Variants in KCNT1 observed in about 807,000 individuals in gnomAD.
KCNT1 encodes the protein potassium sodium-activated channel subfamily T member 1.
In KCNT1, 78 loss-of-function variants were observed where a neutral mutation model predicts 147.8. The ratio of observed to expected loss-of-function variants is 0.53; its 90% CI spans 0.44 to 0.64. KCNT1 has a LOEUF of 0.64. Among genes scored for constraint, KCNT1 ranks in the 30% least tolerant of loss-of-function variants. The probability of loss-of-function intolerance (pLI) is 0.00; values close to 1 mark genes in which losing one functional copy is unlikely to be tolerated. For missense variants in KCNT1, 1,419 were observed against 1,750.3 expected (o/e 0.81, Z 3.38); for synonymous variants, 867 against 748.8 (o/e 1.16, Z -2.58).
intron 16 of KCNT1, 61 bp downstream of exon 16, chr9:135,770,116 G>A (rs1333966609): frequency 8.2e-6 from 12 of 1,462,140 alleles, no homozygotes; most frequent in African/African-American, 2.8e-5. Flanking sequence ...GGGAGACAAC[G>A]CAGGGCCTGC....
intron 18 of KCNT1, 59 bp downstream of exon 18, chr9:135,771,154 C>T (rs917723661): frequency 4.1e-6 from 6 of 1,470,334 alleles, no homozygotes; most frequent in South Asian, 1.2e-5. Flanking sequence ...GGAGACCAGG[C>T]GGGACACCGG....
Position 135,786,407 on chromosome 9 carries a change from G to T in KCNT1, c.3388G>T (p.Ala1130Ser), listed in dbSNP as rs138421850. The change falls in exon 29 of 31, where the codon GCG (alanine) becomes TCG (serine). Residue 1130 changes from alanine (A) to serine (S), a missense_variant. Around this residue, in one of 5 missense-constraint regions of KCNT1, gnomAD observed 306 missense variants for 294.2 expected, o/e 1.04. Coordinates refer to ENST00000371757, the MANE Select transcript of KCNT1 (RefSeq NM_020822.3). ...CAAGCAGGCAGGCCGGGCGGCGGCC[G>T]CGGAGTGGATCAGCCAGCAGCGCCT... ...APKQAGRAAA[A>S]EWISQQRLSL... 6 of 1,576,860 alleles carry T rather than the reference G, an allele frequency of 3.8e-6. No homozygotes were observed. Among genetic ancestry groups the T allele is most frequent in the Middle Eastern group, 2.0e-4 (1 of 5,094 alleles).
chr9:135,742,433 C>T (rs934871188), intron 2 of KCNT1, among the ~76,000 whole-genome samples: 3 of 152,166 alleles, frequency 2.0e-5, no homozygotes, highest in Non-Finnish European at 4.4e-5. Flanking sequence ...TGGTTGTCAC[C>T]CCCCCATCTG....
rs1284959389 is a variant in KCNT1, at chr9:135,756,944, C to A, written c.600+12C>A. On this transcript the variant is annotated intron_variant, in intron 7 of 30. Transcript: ENST00000371757. ...ACCTCAGCTACAAAGTGAGTGCCTG[C>A]CCGGGATGGCACCTCACAGGGGGTC... 1 of 1,611,342 alleles carries A rather than the reference C, an allele frequency of 6.2e-7. No homozygotes were observed. The highest frequency in any genetic ancestry group is 1.7e-5 in the Admixed American group (1 of 59,964).
chr9:135,788,350 C>T lies in KCNT1; in HGVS notation c.3502+1829C>T, dbSNP rs142455552. Among the ~76,000 whole-genome samples the T allele has an allele frequency of 1.5e-3, 235 of 152,356 alleles. 2 individuals are homozygous for T. The highest frequency in any genetic ancestry group is 5.2e-3 in the African/African-American group (215 of 41,590). On this transcript the variant is annotated intron_variant, in intron 29 of 30. Transcript: ENST00000371757. ...GCCGACAGAGTGTCCCCTGGCTGGG[C>T]GTTGAGGACGGGCCTGAGGCTGAGG...
intron 2 of KCNT1, among the ~76,000 whole-genome samples, chr9:135,724,997 T>C (rs1409319958): frequency 6.6e-6 from 1 of 152,174 alleles, no homozygotes; most frequent in Non-Finnish European, 1.5e-5. Context: ...CTGAGGGTAA[T>C]CTTGGTGGAA....
chr9:135,728,235 C>T (rs997279113), intron 2 of KCNT1, among the ~76,000 whole-genome samples: 3 of 152,210 alleles, frequency 2.0e-5, no homozygotes, highest in Non-Finnish European at 4.4e-5. Flanking sequence ...AGCCCAGGGA[C>T]ACTGATGTCC....
Position 135,730,613 on chromosome 9 carries a change from C to G in KCNT1, c.254+15893C>G, listed in dbSNP as rs139338153. The stretch of plus-strand genomic sequence containing the variant: ...CTGGAAGAGGCAAGGAAATGGACCC[C>G]TCCCTGGGACTCCAGAAGGAGCCAG... On this transcript the variant is annotated intron_variant, in intron 2 of 30. Coordinates refer to ENST00000371757, the MANE Select transcript of KCNT1 (RefSeq NM_020822.3). The surrounding 1 kb of genome is among the most constrained non-coding windows in gnomAD (Gnocchi z 4.7). Among the ~76,000 whole-genome samples, 412 of 152,232 alleles carry G rather than the reference C, an allele frequency of 2.7e-3. 2 individuals carry two copies. Among genetic ancestry groups the G allele is most frequent in the African/African-American group, 9.1e-3 (378 of 41,542 alleles).
At position 135,730,990 on chromosome 9, in the gene KCNT1, T is replaced by TAAAAAAAAAAAAAAAAAAAAAAAAAAAAA. The variant is rs56307359; in HGVS notation, c.254+16293_254+16294insAAAAAAAAAAAAAAAAAAAAAAAAAAAAA. 1.2e-5 allele frequency among the ~76,000 whole-genome samples: 1 copy of TAAAAAAAAAAAAAAAAAAAAAAAAAAAAA among 85,594 alleles called. No individual in the cohort carries two copies. The highest frequency in any genetic ancestry group is 3.3e-4 in the East Asian group (1 of 3,048). The allele number at this position is 85,594 out of a possible 152,430, so 56.2% of individuals were successfully genotyped here. On this transcript the variant is annotated intron_variant, in intron 2 of 30. Coordinates refer to ENST00000371757, the MANE Select transcript of KCNT1 (RefSeq NM_020822.3). This position sits in a 1 kb window ranked among gnomAD's most constrained non-coding sequence, Gnocchi z 4.7. ...AACAAAGTGAGATCCCGTCTCAAGG[T>TAAAAAAAAAAAAAAAAAAAAAAAAAAAAA]AAAAAAAAAAAAAAAAAAAAAAAGT...
At chr9:135,780,314 C>T (rs1833516215) in intron 24 of KCNT1, among the ~76,000 whole-genome samples, 1 of 152,192 alleles carries the variant, frequency 6.6e-6, no homozygotes, top group Admixed American at 6.5e-5. Context: ...TCCTCATCGG[C>T]GAGCTGCTGG....
intron 1 of KCNT1, among the ~76,000 whole-genome samples, chr9:135,704,067 C>A (rs967527678): frequency 6.6e-6 from 1 of 152,218 alleles, no homozygotes; most frequent in African/African-American, 2.4e-5. Context: ...AGGCTTGCGG[C>A]CCAGGCAGGT....
chr9:135,717,390 G>A (rs1835763276), intron 2 of KCNT1, among the ~76,000 whole-genome samples: 1 of 152,154 alleles, frequency 6.6e-6, no homozygotes, highest in Non-Finnish European at 1.5e-5. Context: ...CCTCTGAGAG[G>A]AAGCTTGGGC....
intron 2 of KCNT1, among the ~76,000 whole-genome samples, chr9:135,716,974 T>A (rs1835742764): frequency 6.6e-6 from 1 of 152,164 alleles, no homozygotes; most frequent in Admixed American, 6.5e-5. Flanking sequence ...TTCTCATGTG[T>A]GAAGGATGGG....
chr9:135,741,252 G>A (rs1409983711), intron 2 of KCNT1, among the ~76,000 whole-genome samples: 2 of 152,242 alleles, frequency 1.3e-5, no homozygotes, highest in Non-Finnish European at 2.9e-5. Flanking sequence ...GGGCTATATC[G>A]GGAGATGCAG....
At chr9:135,725,364 G>A (rs948196171) in intron 2 of KCNT1, among the ~76,000 whole-genome samples, 4 of 152,336 alleles carry the variant, frequency 2.6e-5, no homozygotes, top group Middle Eastern at 3.4e-3. Flanking sequence ...ATTCTGGACC[G>A]AGGGGCTCAG....
rs773023899 is a variant in KCNT1 at position 135,758,506 on chromosome 9, G to A, written c.852G>A (p.Thr284=). Residue 284 remains threonine (T), a splice_region_variant and synonymous_variant, in exon 10 of 31, where the codon ACG becomes ACA. Coordinates refer to ENST00000371757, the MANE Select transcript of KCNT1 (RefSeq NM_020822.3). Reference sequence around the variant, plus strand: ...GCACCCTGCTGTGCCTCGTTTTCACGGGGTGAGTGCCGGCCGTCAGTGTGA... The same window carrying A: ...GCACCCTGCTGTGCCTCGTTTTCACAGGGTGAGTGCCGGCCGTCAGTGTGA... ...LFCTLLCLVF[T]GTCGIQHLER... is the part of the protein sequence containing the mutation. The A allele has an allele frequency of 1.6e-5, 25 of 1,612,836 alleles. No individual in the cohort carries two copies. Among genetic ancestry groups the A allele is most frequent in the African/African-American group, 6.7e-5 (5 of 74,924 alleles).
chr9:135,765,753 C>A lies in KCNT1; in HGVS notation c.1330C>A (p.Arg444=). 1 of 1,591,392 alleles carries A rather than the reference C, an allele frequency of 6.3e-7. No homozygotes were observed. The highest frequency in any genetic ancestry group is 1.1e-5 in the South Asian group (1 of 90,026). ...TGCACTCAAAGACCAGGACCTCATG[C>A]GAGCCAAGTGAGTGCTGGTGGGCGG... ...GSALKDQDLM[R]AKMDNGEACF... Residue 444 remains arginine, a synonymous_variant, in exon 13 of 31, where the codon CGA becomes AGA. Transcript: ENST00000371757.
At position 135,753,991 on chromosome 9, in the gene KCNT1, C is replaced by T. The variant is rs749456688; in HGVS notation, c.489C>T (p.Asn163=). The T allele has an allele frequency of 1.9e-6, 3 of 1,614,030 alleles. No homozygotes were observed. Among genetic ancestry groups the T allele is most frequent in the Non-Finnish European group, 1.7e-6 (2 of 1,179,900 alleles). The change falls in exon 5 of 31, where the codon AAC becomes AAT. Residue 163 remains asparagine, a splice_region_variant and synonymous_variant. Coordinates refer to ENST00000371757, the MANE Select transcript of KCNT1 (RefSeq NM_020822.3). Reference sequence around the variant, plus strand: ...TCAATGACTCGTCCTCCGAGATCAACTGGTGAGTCCACACTCCAGCTCCCA... The same window carrying T: ...TCAATGACTCGTCCTCCGAGATCAATTGGTGAGTCCACACTCCAGCTCCCA... ...YSFNDSSSEI[N]WAPILWVERK...
chr9:135,789,917 G>A (rs1363710156), intron 29 of KCNT1: 1 of 152,228 alleles, frequency 6.6e-6, no homozygotes. Flanking sequence ...CGACCATCCT[G>A]GGCAGCCAGG....
Sources: gnomAD v4.1 joint callset for allele counts (sites outside exome capture counted in the v4.1 genomes callset) on GRCh38, gnomAD v4.1.1 for gene constraint, gnomAD v4.1.1 regional missense constraint, Gnocchi (gnomAD v3.1) non-coding constraint, MANE v1.5 for transcripts, NCBI Gene and HGNC (gene_info 2026-07-23, HGNC 2026-07-21) for gene names.